Variants in SDK1 observed in about 807,000 individuals in gnomAD.
The protein encoded by SDK1 is protein sidekick-1.
Under a neutral mutation model 245.5 loss-of-function variants are expected in SDK1, and 157 were observed. That is an observed-to-expected ratio of 0.64 (90% CI 0.56 to 0.73). The LOEUF (loss-of-function observed/expected upper bound fraction) is 0.73, where lower values mean the gene tolerates loss of function less well. SDK1 is among the 30% of genes least tolerant of loss of function. The pLI is 0.00. For missense variants in SDK1, 3,583 were observed against 3,002.3 expected (o/e 1.19, Z -4.52); for synonymous variants, 1,647 against 1,278.5 (o/e 1.29, Z -6.15).
At chr7:4,203,489 C>T (rs913636162) in intron 35 of SDK1, among the ~76,000 whole-genome samples, 1 of 151,582 alleles carries the variant, frequency 6.6e-6, no homozygotes, top group Non-Finnish European at 1.5e-5. Flanking sequence ...CAGCAATTGC[C>T]GGTCTAAAAT....
chr7:3,751,105 G>A (rs1032820006), intron 4 of SDK1, among the ~76,000 whole-genome samples: 3 of 152,186 alleles, frequency 2.0e-5, no homozygotes, highest in African/African-American at 7.2e-5. Context: ...TCTTGCTGTT[G>A]TTGGTCCCAC....
chr7:3,365,513 A>G (rs1781065048), intron 1 of SDK1, among the ~76,000 whole-genome samples: 1 of 152,168 alleles, frequency 6.6e-6, no homozygotes, highest in South Asian at 2.1e-4. Flanking sequence ...TTCATTATAT[A>G]TTTCTATTCA....
intron 5 of SDK1, among the ~76,000 whole-genome samples, chr7:3,902,314 A>G (rs995055921): frequency 6.6e-6 from 1 of 152,170 alleles, no homozygotes; most frequent in African/African-American, 2.4e-5. Context: ...CCCTTCTCCC[A>G]CAATAAGAAC....
At chr7:3,903,613 A>T (rs746954431) in intron 5 of SDK1, among the ~76,000 whole-genome samples, 4 of 151,914 alleles carry the variant, frequency 2.6e-5, no homozygotes, top group Non-Finnish European at 5.9e-5. Flanking sequence ...TAGCAATACC[A>T]CTCCTAGGTA....
At chr7:4,236,557 A>G (rs1786180262) in intron 41 of SDK1, among the ~76,000 whole-genome samples, 1 of 152,002 alleles carries the variant, frequency 6.6e-6, no homozygotes, top group Non-Finnish European at 1.5e-5. Context: ...AAATACACAC[A>G]GTGCGTGTTT....
At chr7:3,564,083 T>A (rs928007720) in intron 1 of SDK1, among the ~76,000 whole-genome samples, 2 of 152,018 alleles carry the variant, frequency 1.3e-5, no homozygotes, top group Admixed American at 6.6e-5. Context: ...TAAACATAGT[T>A]TATTAAACAT....
At chr7:3,821,319 A>T in intron 4 of SDK1, 131 bp from the exon 5 acceptor site, 2 of 1,015,520 alleles carry the variant, frequency 2.0e-6, no homozygotes, top group Non-Finnish European at 2.8e-6. Context: ...CGGCCTGTGT[A>T]TTGTTTTTGT....
At chr7:3,800,030 A>G (rs1270648087) in intron 4 of SDK1, among the ~76,000 whole-genome samples, 1 of 152,052 alleles carries the variant, frequency 6.6e-6, no homozygotes, top group Non-Finnish European at 1.5e-5. Flanking sequence ...ATAACCTTCA[A>G]GTATAGGTGA....
rs1319923258 is a variant in SDK1 at position 3,772,488 on chromosome 7, C to T, written c.714-48962C>T. ...AAAAATGCATTAGCCTTTTAAATAA[C>T]ATAGAAATCAAAATGTGGGGTTAAA... On this transcript the variant is annotated intron_variant, in intron 4 of 44. Transcript: ENST00000404826. Among the ~76,000 whole-genome samples, 3 of 152,072 alleles carry T rather than the reference C, an allele frequency of 2.0e-5. No homozygotes were observed. In the East Asian group the frequency reaches 5.8e-4, roughly 29 times the overall value.
intron 2 of SDK1, among the ~76,000 whole-genome samples, chr7:3,638,528 A>G (rs188627759): frequency 4.6e-5 from 7 of 151,074 alleles, no homozygotes; most frequent in Admixed American, 4.6e-4. Flanking sequence ...GCAAACTAAC[A>G]CAAGGACAAA....
At chr7:4,069,900 C>G (rs1279365249) in intron 20 of SDK1, among the ~76,000 whole-genome samples, 1 of 152,168 alleles carries the variant, frequency 6.6e-6, no homozygotes, top group Non-Finnish European at 1.5e-5. Flanking sequence ...ACCATCACAG[C>G]CAATGGGCAT....
chr7:3,855,608 A>G (rs1179600526), intron 5 of SDK1, among the ~76,000 whole-genome samples: 1 of 152,256 alleles, frequency 6.6e-6, no homozygotes, highest in Non-Finnish European at 1.5e-5. Context: ...AGCAGTGCCA[A>G]TATTCATCAA....
intron 4 of SDK1, among the ~76,000 whole-genome samples, chr7:3,806,996 T>C (rs937584166): frequency 3.3e-5 from 5 of 152,208 alleles, no homozygotes; most frequent in South Asian, 2.1e-4. Context: ...TTTTGAGTTA[T>C]CGATAGCTGT....
At chr7:4,100,475 A>C (rs1383017942) in intron 22 of SDK1, among the ~76,000 whole-genome samples, 1 of 151,986 alleles carries the variant, frequency 6.6e-6, no homozygotes, top group Admixed American at 6.5e-5. Context: ...CGTGCCCCCA[A>C]TTCCTGTGCT....
chr7:3,954,948 A>T (rs1255616150), intron 7 of SDK1, among the ~76,000 whole-genome samples: 1 of 151,314 alleles, frequency 6.6e-6, no homozygotes, highest in Non-Finnish European at 1.5e-5. Context: ...GTGCCTCACC[A>T]CCTATGAAAC....
intron 18 of SDK1, among the ~76,000 whole-genome samples, chr7:4,049,848 A>G (rs1231022181): frequency 2.0e-5 from 3 of 152,208 alleles, no homozygotes; most frequent in Admixed American, 2.0e-4. Flanking sequence ...TGATATTTCC[A>G]TGGAGAAAGG....
chr7:3,525,704 T>A (rs749548062), intron 1 of SDK1, among the ~76,000 whole-genome samples: 28 of 152,116 alleles, frequency 1.8e-4, no homozygotes, highest in Non-Finnish European at 3.7e-4. Flanking sequence ...AAATTTAGAG[T>A]TGATTTTCCA....
chr7:3,842,011 A>G (rs1780170801), intron 5 of SDK1, among the ~76,000 whole-genome samples: 1 of 152,210 alleles, frequency 6.6e-6, no homozygotes. Flanking sequence ...CTCCACCTCC[A>G]TGGCTGTAGC....
chr7:4,006,621 G>C (rs943401838), intron 14 of SDK1, among the ~76,000 whole-genome samples: 3 of 152,140 alleles, frequency 2.0e-5, no homozygotes, highest in South Asian at 4.1e-4. Flanking sequence ...GTATGAATCA[G>C]GGTGCCCAGA....
Sources: allele counts gnomAD v4.1 joint callset (sites outside exome capture counted in the v4.1 genomes callset), GRCh38; gene constraint gnomAD v4.1.1; transcripts MANE v1.5; gene names NCBI Gene and HGNC (gene_info 2026-07-23, HGNC 2026-07-21).